ADAMTSL1: variants seen among roughly 807,000 people sequenced by gnomAD.
The protein encoded by ADAMTSL1 is ADAMTS-like protein 1.
A neutral mutation model predicts 201.8 loss-of-function variants in ADAMTSL1; 126 were observed. That is an observed-to-expected ratio of 0.62 (90% CI 0.54 to 0.72). ADAMTSL1 has a LOEUF of 0.72. Ranked by LOEUF, ADAMTSL1 falls within the 30% of genes least tolerant of loss-of-function variation. ADAMTSL1 has a pLI of 0.00. For missense variants in ADAMTSL1, 2,679 were observed against 2,277.8 expected (o/e 1.18, Z -3.59); for synonymous variants, 1,121 against 903.4 (o/e 1.24, Z -4.32).
intron 1 of ADAMTSL1, among the ~76,000 whole-genome samples, chr9:18,152,838 T>C (rs1010831181): frequency 4.6e-5 from 7 of 152,006 alleles, no homozygotes; most frequent in African/African-American, 1.7e-4. Flanking sequence ...GTCTTAGAAG[T>C]ACTTGAAGAC....
At chr9:18,226,700 C>T in intron 2 of ADAMTSL1, among the ~76,000 whole-genome samples, 1 of 152,016 alleles carries the variant, frequency 6.6e-6, no homozygotes, top group East Asian at 1.9e-4. Flanking sequence ...CAGATTTGTT[C>T]CCTCCTATTC....
chr9:18,394,665 A>T (rs111230333), intron 2 of ADAMTSL1, among the ~76,000 whole-genome samples: 2,583 of 152,288 alleles, frequency 0.017, 23 homozygotes, highest in Non-Finnish European at 0.025. Flanking sequence ...TTATAAATTC[A>T]ACATGGGTTT....
intron 1 of ADAMTSL1, among the ~76,000 whole-genome samples, chr9:18,072,392 A>G (rs1054771607): frequency 1.3e-5 from 2 of 152,178 alleles, no homozygotes; most frequent in African/African-American, 4.8e-5. Flanking sequence ...CTCACCCTGC[A>G]GTATTGGATC....
At chr9:18,423,950 C>A (rs1367807491) in intron 2 of ADAMTSL1, among the ~76,000 whole-genome samples, 1 of 152,302 alleles carries the variant, frequency 6.6e-6, no homozygotes, top group East Asian at 1.9e-4. Flanking sequence ...AAGTCTTTAT[C>A]CCACAGGCTA....
chr9:18,330,024 G>A (rs1392530867), intron 2 of ADAMTSL1, among the ~76,000 whole-genome samples: 4 of 152,126 alleles, frequency 2.6e-5, no homozygotes, highest in African/African-American at 4.8e-5. Flanking sequence ...TGCATAAGGG[G>A]GTTAAAACAG....
At chr9:18,557,345 G>A (rs138858458) in intron 3 of ADAMTSL1, among the ~76,000 whole-genome samples, 387 of 152,118 alleles carry the variant, frequency 2.5e-3, no homozygotes, top group Non-Finnish European at 3.8e-3. Context: ...TAGACTTGGA[G>A]CTTTCTCTCA....
chr9:18,748,398 A>G (rs992166331), intron 15 of ADAMTSL1, among the ~76,000 whole-genome samples: 1 of 152,208 alleles, frequency 6.6e-6, no homozygotes, highest in Non-Finnish European at 1.5e-5. Flanking sequence ...CTAAGACATA[A>G]ATTGTATAAC....
chr9:18,117,897 G>C (rs1367970164), intron 1 of ADAMTSL1, among the ~76,000 whole-genome samples: 3 of 152,094 alleles, frequency 2.0e-5, no homozygotes, highest in Admixed American at 6.5e-5. Context: ...AGCCACATGA[G>C]GGTTACAAAT....
intron 26 of ADAMTSL1, among the ~76,000 whole-genome samples, chr9:18,893,691 G>A (rs1203402845): frequency 1.3e-5 from 2 of 152,212 alleles, no homozygotes; most frequent in Non-Finnish European, 2.9e-5. Flanking sequence ...CAATCCTGTT[G>A]ATGTTTTTCT....
chr9:18,447,096 CAG>C (rs1820220941), intron 2 of ADAMTSL1, among the ~76,000 whole-genome samples: 1 of 151,984 alleles, frequency 6.6e-6, no homozygotes, highest in South Asian at 2.1e-4. Flanking sequence ...ACAGTGGTAG[CAG>C]AGAGTGTTTT....
At chr9:18,854,721 T>C (rs1259738043) in intron 23 of ADAMTSL1, among the ~76,000 whole-genome samples, 1 of 152,074 alleles carries the variant, frequency 6.6e-6, no homozygotes, top group Non-Finnish European at 1.5e-5. Flanking sequence ...ATTAACATAA[T>C]AAGCCTCTGA....
At chr9:18,202,548 T>C (rs557936384) in intron 2 of ADAMTSL1, among the ~76,000 whole-genome samples, 11 of 152,298 alleles carry the variant, frequency 7.2e-5, no homozygotes, top group African/African-American at 2.6e-4. Flanking sequence ...TTATTCTGTC[T>C]CCCACACTTC....
intron 2 of ADAMTSL1, among the ~76,000 whole-genome samples, chr9:18,274,241 T>C (rs1211072039): frequency 6.6e-6 from 1 of 152,244 alleles, no homozygotes; most frequent in Non-Finnish European, 1.5e-5. Flanking sequence ...TTTGATGCAT[T>C]CGTAAAAATG....
At chr9:18,540,325 T>C (rs908843240) in intron 3 of ADAMTSL1, among the ~76,000 whole-genome samples, 2 of 152,298 alleles carry the variant, frequency 1.3e-5, no homozygotes, top group Admixed American at 6.5e-5. Context: ...ATGCTACACT[T>C]GATCTTAGCC....
intron 1 of ADAMTSL1, among the ~76,000 whole-genome samples, chr9:17,994,879 C>T (rs1819307856): frequency 6.6e-6 from 1 of 152,094 alleles, no homozygotes; most frequent in Non-Finnish European, 1.5e-5. Context: ...TGAGAGATTA[C>T]ACAATTAAAA....
chr9:18,547,457 A>C (rs1370492329), intron 3 of ADAMTSL1, among the ~76,000 whole-genome samples: 1 of 151,948 alleles, frequency 6.6e-6, no homozygotes, highest in Non-Finnish European at 1.5e-5. Context: ...TGCTGATTTC[A>C]TAGGCTTTTT....
chr9:18,092,058 G>T (rs1824046343), intron 1 of ADAMTSL1, among the ~76,000 whole-genome samples: 1 of 152,044 alleles, frequency 6.6e-6, no homozygotes, highest in African/African-American at 2.4e-5. Context: ...AGATACATCT[G>T]GGATACTACA....
At chr9:18,747,861 A>G (rs1232710891) in intron 15 of ADAMTSL1, among the ~76,000 whole-genome samples, 1 of 152,188 alleles carries the variant, frequency 6.6e-6, no homozygotes, top group African/African-American at 2.4e-5. Context: ...GAACTCCAGC[A>G]CTGTCCGGGA....
chr9:17,999,379 C>T (rs1399700524), intron 1 of ADAMTSL1, among the ~76,000 whole-genome samples: 4 of 151,622 alleles, frequency 2.6e-5, no homozygotes, highest in Admixed American at 6.6e-5. Context: ...GATGCTTCTC[C>T]CAGAATTATC....
Sources: gnomAD v4.1 joint callset for allele counts (sites outside exome capture counted in the v4.1 genomes callset) on GRCh38, gnomAD v4.1.1 for gene constraint, MANE v1.5 for transcripts, NCBI Gene and HGNC (gene_info 2026-07-23, HGNC 2026-07-21) for gene names.